LRRFIP2: variants seen among roughly 807,000 people sequenced by gnomAD.
LRRFIP2 encodes the protein leucine-rich repeat flightless-interacting protein 2.
In LRRFIP2, 109 loss-of-function variants were observed where a neutral mutation model predicts 125.9. The observed-to-expected ratio is 0.87, with a 90% CI of 0.74 to 1.01. The LOEUF is 1.01. Ranked by LOEUF, LRRFIP2 falls within the 50% of genes least tolerant of loss-of-function variation. The pLI, the probability that LRRFIP2 is intolerant of heterozygous loss-of-function variation, is 0.00. For missense variants in LRRFIP2, 850 were observed against 862.3 expected, an observed-to-expected ratio of 0.99 and a Z score of 0.18; for synonymous variants, 291 against 293.1, an observed-to-expected ratio of 0.99 and a Z score of 0.07.
chr3:37,136,895 T>C (rs1577254008), intron 2 of LRRFIP2, among the ~76,000 whole-genome samples: 1 of 148,220 alleles, frequency 6.7e-6, no homozygotes, highest in East Asian at 2.0e-4. Context: ...ATTCAGATAA[T>C]ATATCTACCA....
chr3:37,061,645 CA>C (rs1388591036), intron 24 of LRRFIP2, among the ~76,000 whole-genome samples: 2 of 152,078 alleles, frequency 1.3e-5, no homozygotes, highest in Non-Finnish European at 2.9e-5. Flanking sequence ...CCTCAGCCTC[CA>C]AAAGTGCTGG....
intron 23 of LRRFIP2, 41 bp downstream of exon 23, chr3:37,065,769 G>C (rs751713753): frequency 6.2e-7 from 1 of 1,613,642 alleles, no homozygotes; most frequent in Non-Finnish European, 8.5e-7. Flanking sequence ...AACCCAATAG[G>C]GTAACATTAA....
chr3:37,089,870 G>C (rs2093326223), intron 18 of LRRFIP2, among the ~76,000 whole-genome samples: 1 of 152,178 alleles, frequency 6.6e-6, no homozygotes, highest in Non-Finnish European at 1.5e-5. Flanking sequence ...ATTAAATCCT[G>C]AAGATTAAAG....
intron 17 of LRRFIP2, among the ~76,000 whole-genome samples, chr3:37,092,845 A>AT (rs548955019): frequency 1.5e-3 from 212 of 141,954 alleles, no homozygotes; most frequent in Admixed American, 2.3e-3. Context: ...CCGACAATTT[A>AT]TTTTTTTTTT....
intron 17 of LRRFIP2, among the ~76,000 whole-genome samples, chr3:37,093,865 G>C (rs1403590284): frequency 6.6e-6 from 1 of 152,150 alleles, no homozygotes; most frequent in Non-Finnish European, 1.5e-5. Flanking sequence ...TTTCTGGGTT[G>C]TCTGAATGCA....
chr3:37,091,898 T>G (rs2093462437), intron 17 of LRRFIP2, among the ~76,000 whole-genome samples: 1 of 152,214 alleles, frequency 6.6e-6, no homozygotes, highest in Non-Finnish European at 1.5e-5. Context: ...TTAAAATTTT[T>G]TTAGCACAAT....
Position 37,065,930 on chromosome 3 carries a change from C to T in LRRFIP2, c.1579G>A (p.Val527Ile), listed in dbSNP as rs1399208571. 5.6e-6 allele frequency: 9 copies of T among 1,614,140 alleles called. No homozygotes were observed. The highest frequency in any genetic ancestry group is 7.6e-6 in the Non-Finnish European group (9 of 1,180,006). The change falls in exon 23 of 28, where the codon GTT (valine) becomes ATT (isoleucine). Residue 527 changes from valine to isoleucine, a missense_variant. By Grantham distance (29) the Val-to-Ile change is conservative. Transcript: ENST00000336686. ...TTGGGAGTGCCATCGGGGATTATAA[C>T]TAAGCCATGTTTCTGCAGGGGGGAA... ...TVKTGEKHGLVIIPDGTPNGD... is the reference protein window; with the variant it reads ...TVKTGEKHGLIIIPDGTPNGD...
chr3:37,125,938 AT>A (rs1402325751), intron 4 of LRRFIP2, among the ~76,000 whole-genome samples: 1 of 152,014 alleles, frequency 6.6e-6, no homozygotes, highest in Non-Finnish European at 1.5e-5. Context: ...AATCAGTTTA[AT>A]TTTTTTCTTT....
At chr3:37,059,092 C>T (rs2087760045) in intron 24 of LRRFIP2, among the ~76,000 whole-genome samples, 182 bp from the exon 25 acceptor site, 1 of 152,154 alleles carries the variant, frequency 6.6e-6, no homozygotes, top group Admixed American at 6.5e-5. Flanking sequence ...AGATAAGCTA[C>T]GAACAAACAT....
chr3:37,058,664 G>T, intron 25 of LRRFIP2, 126 bp downstream of exon 25: 1 of 945,116 alleles, frequency 1.1e-6, no homozygotes, highest in Non-Finnish European at 1.6e-6. Flanking sequence ...GACAGAGTGA[G>T]ACTCCCATCT....
At chr3:37,102,903 C>G in intron 15 of LRRFIP2, 21 bp downstream of exon 15, 1 of 1,504,664 alleles carries the variant, frequency 6.6e-7, no homozygotes, top group Non-Finnish European at 9.0e-7. Context: ...CATAACCAAC[C>G]ACCCCATGCA....
chr3:37,129,318 T>A (rs2095366650), intron 2 of LRRFIP2, among the ~76,000 whole-genome samples, 169 bp from the exon 3 acceptor site: 1 of 152,238 alleles, frequency 6.6e-6, no homozygotes, highest in Non-Finnish European at 1.5e-5. Flanking sequence ...TCTTATAAAC[T>A]CATTTCTTTC....
In LRRFIP2 at chr3:37,165,742, G is replaced by C. The variant is rs185103639; in HGVS notation, c.-56+8797C>G. On this transcript the variant is annotated intron_variant, in intron 1 of 27. Coordinates refer to ENST00000336686, the MANE Select transcript of LRRFIP2 (RefSeq NM_006309.4). ...TTGCACTCTAGCCCGGGCAACAAGAGAGAAACTCTGTCACAAAAAAAAGAA... is the reference window on the plus strand; with the variant it reads ...TTGCACTCTAGCCCGGGCAACAAGACAGAAACTCTGTCACAAAAAAAAGAA... 4.8e-5 allele frequency among the ~76,000 whole-genome samples: 7 copies of C among 144,840 alleles called. No homozygotes were observed. In the Admixed American group the frequency reaches 5.0e-4, roughly 10 times the overall value.
chr3:37,133,828 CTAATT>C (rs1553777255), intron 2 of LRRFIP2, among the ~76,000 whole-genome samples: 1 of 152,036 alleles, frequency 6.6e-6, no homozygotes, highest in Non-Finnish European at 1.5e-5. Context: ...AAGAAGTTGG[CTAATT>C]TAAAAGTCAG....
intron 2 of LRRFIP2, among the ~76,000 whole-genome samples, chr3:37,130,898 G>T (rs759671411): frequency 6.6e-6 from 1 of 152,176 alleles, no homozygotes; most frequent in African/African-American, 2.4e-5. Flanking sequence ...AGGTTGCTAA[G>T]ATCTATGGTA....
At chr3:37,171,348 G>A (rs1164812491) in intron 1 of LRRFIP2, among the ~76,000 whole-genome samples, 2 of 152,214 alleles carry the variant, frequency 1.3e-5, no homozygotes, top group Non-Finnish European at 2.9e-5. Flanking sequence ...TGTCAGGCAA[G>A]CTTTGACAAG....
rs536602540 is a variant in LRRFIP2 at position 37,083,286 on chromosome 3, TGA to T, written c.1278+348_1278+349del. 3.8e-3 allele frequency among the ~76,000 whole-genome samples: 581 copies of T among 152,288 alleles called. 2 individuals are homozygous for T. Among genetic ancestry groups the T allele is most frequent in the African/African-American group, 0.013 (548 of 41,574 alleles). The stretch of plus-strand genomic sequence containing the variant: ...ATAGAAAAAAAATGAATCATCCTAT[TGA>T]GAGTCTTTGGAGCTTTGCGGGAGTT... On this transcript the variant is annotated intron_variant, in intron 19 of 27. Coordinates refer to ENST00000336686, the MANE Select transcript of LRRFIP2 (RefSeq NM_006309.4).
intron 1 of LRRFIP2, among the ~76,000 whole-genome samples, chr3:37,161,037 C>A (rs2150230992): frequency 6.6e-6 from 1 of 152,086 alleles, no homozygotes; most frequent in East Asian, 1.9e-4. Context: ...TGGAATATTA[C>A]CTAGCCATAA....
rs336595 is a variant in LRRFIP2 at position 37,121,548 on chromosome 3, G to A, written c.286-12C>T. The A allele has an allele frequency of 1, 1,613,689 of 1,613,978 alleles. 806,700 individuals are homozygous for A. Among genetic ancestry groups the A allele is most frequent in the East Asian group, 1 (44,868 of 44,868 alleles). On this transcript the variant is annotated splice_polypyrimidine_tract_variant and intron_variant, in intron 5 of 27. Coordinates refer to ENST00000336686, the MANE Select transcript of LRRFIP2 (RefSeq NM_006309.4). ...GCATCCTCAACTCCCTGATAAAAATGAAAATAAACACAGTAAAAGTTTGTG... is the reference window on the plus strand; with the variant it reads ...GCATCCTCAACTCCCTGATAAAAATAAAAATAAACACAGTAAAAGTTTGTG...
Sources: gnomAD v4.1 joint callset for allele counts (sites outside exome capture counted in the v4.1 genomes callset) on GRCh38, gnomAD v4.1.1 for gene constraint, MANE v1.5 for transcripts, NCBI Gene and HGNC (gene_info 2026-07-23, HGNC 2026-07-21) for gene names.